LRIG2: variants seen among roughly 807,000 people sequenced by gnomAD.
LRIG2 encodes leucine-rich repeats and immunoglobulin-like domains protein 2.
A neutral mutation model predicts 107.8 loss-of-function variants in LRIG2; 93 were observed. That is an observed-to-expected ratio of 0.86 (90% CI 0.73 to 1.03). The LOEUF (loss-of-function observed/expected upper bound fraction) is 1.03. Among genes scored for constraint, LRIG2 ranks in the 50% least tolerant of loss-of-function variants. The pLI is 0.00. For synonymous variants in LRIG2, 471 were observed against 470.6 expected, an observed-to-expected ratio of 1.00 and a Z score of -0.01; for missense variants, 1,226 against 1,296.0, an observed-to-expected ratio of 0.95 and a Z score of 0.83.
intron 17 of LRIG2, among the ~76,000 whole-genome samples, chr1:113,123,461 C>G (rs539227618): frequency 6.6e-6 from 1 of 152,146 alleles, no homozygotes; most frequent in Non-Finnish European, 1.5e-5. Context: ...GTAATCCCAG[C>G]TACTTGGGAG....
chr1:113,103,857 T>C (rs376325641), intron 11 of LRIG2: 2 of 152,394 alleles, frequency 1.3e-5, no homozygotes, highest in South Asian at 4.1e-4. Context: ...AGACTTCTTT[T>C]GAAAGGTACC....
chr1:113,119,589 T>C, intron 17 of LRIG2, 66 bp downstream of exon 17: 1 of 1,456,594 alleles, frequency 6.9e-7, no homozygotes, highest in Non-Finnish European at 9.4e-7. Context: ...CCTTCTATCA[T>C]ATAGGTAGTG....
Position 113,110,460 on chromosome 1 carries a change from C to T in LRIG2, c.1696C>T (p.His566Tyr), listed in dbSNP as rs201013312. 1.9e-4 allele frequency: 305 copies of T among 1,613,578 alleles called. No individual in the cohort carries two copies. In the Admixed American group the frequency reaches 1.9e-3, roughly 10 times the overall value. The change falls in exon 13 of 18, where the codon CAT (histidine) becomes TAT (tyrosine). Residue 566 changes from histidine to tyrosine, a missense_variant. His to Tyr is a moderately conservative substitution (Grantham distance 83). Coordinates refer to ENST00000361127, the MANE Select transcript of LRIG2 (RefSeq NM_014813.3). ...GEALEYTSILHLFNVNFTDEG... is the reference protein window; with the variant it reads ...GEALEYTSILYLFNVNFTDEG... ...AGCTCTGGAATATACTAGTATCTTA[C>T]ATCTTTTCAATGTGAATTTCACAGA... is the stretch of plus-strand genomic sequence containing the variant.
At chr1:113,085,533 C>T (rs1464346915) in intron 1 of LRIG2, among the ~76,000 whole-genome samples, 2 of 152,226 alleles carry the variant, frequency 1.3e-5, no homozygotes, top group East Asian at 1.9e-4. Context: ...ATCCGCCCGC[C>T]TTGGCTTCCC....
chr1:113,119,220 T>A lies in LRIG2; in HGVS notation c.2681-13T>A. 1 of 1,594,786 alleles carries A rather than the reference T, an allele frequency of 6.3e-7. No individual in the cohort carries two copies. The highest frequency in any genetic ancestry group is 8.6e-7 in the Non-Finnish European group (1 of 1,168,854). On this transcript the variant is annotated splice_polypyrimidine_tract_variant and intron_variant, in intron 16 of 17. Transcript: ENST00000361127. ...TAACAGAAAGATATTTAGATTCTTT[T>A]TCTTGTTATTAGGTGGCACTGGTAC...
chr1:113,117,061 C>T (rs930661112), intron 16 of LRIG2, among the ~76,000 whole-genome samples: 12 of 152,138 alleles, frequency 7.9e-5, no homozygotes, highest in Non-Finnish European at 1.8e-4. Context: ...TAAAGAGTTC[C>T]CTAATTAAAT....
intron 1 of LRIG2, among the ~76,000 whole-genome samples, chr1:113,078,995 T>C (rs1283725634): frequency 1.3e-5 from 2 of 152,136 alleles, no homozygotes; most frequent in African/African-American, 4.8e-5. Flanking sequence ...ATAATCTAGC[T>C]GAAATGTGAA....
intron 13 of LRIG2, among the ~76,000 whole-genome samples, chr1:113,111,406 A>G (rs189096098): frequency 4.6e-5 from 7 of 152,188 alleles, no homozygotes; most frequent in Admixed American, 3.3e-4. Flanking sequence ...GCATTCTGAG[A>G]ATTTAGTGCA....
chr1:113,089,583 C>G (rs1653699262), intron 1 of LRIG2, among the ~76,000 whole-genome samples: 1 of 151,674 alleles, frequency 6.6e-6, no homozygotes, highest in East Asian at 1.9e-4. Context: ...AGAAGAATGC[C>G]TGTCTGCCTT....
At chr1:113,102,579 ATT>A (rs879906879) in intron 11 of LRIG2, among the ~76,000 whole-genome samples, 1 of 145,872 alleles carries the variant, frequency 6.9e-6, no homozygotes, top group African/African-American at 2.5e-5. Flanking sequence ...CTGTCAAGAT[ATT>A]TTTTTTTTTT....
rs754166571 is a variant in LRIG2, at chr1:113,107,662, A to C, written c.1382A>C (p.Asn461Thr). ...TGGCTACTTCAATGGTTGGTTGATA[A>C]TAACTTTCAACATTCTGTGAATGTA... is the stretch of plus-strand genomic sequence containing the variant. ...LKWLLQWLVD[N>T]NFQHSVNVSC... Residue 461 changes from asparagine to threonine, a missense_variant, in exon 12 of 18, where the codon AAT becomes ACT. Physicochemically the swap from Asn to Thr is moderately conservative, Grantham distance 65. Around this residue, in one of 3 missense-constraint regions of LRIG2, gnomAD observed 570 missense variants for 550.2 expected, o/e 1.04. Transcript: ENST00000361127. The C allele has an allele frequency of 7.4e-6, 12 of 1,614,010 alleles. No individual in the cohort carries two copies. The highest frequency in any genetic ancestry group is 5.5e-5 in the South Asian group (5 of 91,046).
At chr1:113,078,031 C>T (rs1007118745) in intron 1 of LRIG2, among the ~76,000 whole-genome samples, 6 of 151,820 alleles carry the variant, frequency 4.0e-5, no homozygotes, top group African/African-American at 1.2e-4. Flanking sequence ...TGATGGTTTC[C>T]AGCTTCATCC....
chr1:113,090,090 C>A (rs12136941), intron 1 of LRIG2, among the ~76,000 whole-genome samples: 130,965 of 151,972 alleles, frequency 0.86, 59,118 homozygotes, highest in Non-Finnish European at 0.98. Context: ...TGAAATATGT[C>A]TTCAGATGTA....
intron 1 of LRIG2, among the ~76,000 whole-genome samples, chr1:113,090,399 A>G (rs986781454): frequency 1.4e-4 from 21 of 152,214 alleles, no homozygotes; most frequent in African/African-American, 4.8e-4. Flanking sequence ...TCCCAAACTC[A>G]GAAGCTACAC....
In LRIG2 at chr1:113,096,281, T is replaced by G. The variant is rs1463604088; in HGVS notation, c.1007T>G (p.Leu336Ter). 6.2e-7 allele frequency: 1 copy of G among 1,614,174 alleles called. No individual in the cohort carries two copies. The highest frequency in any genetic ancestry group is 1.1e-5 in the South Asian group (1 of 91,078). The stretch of plus-strand genomic sequence containing the variant: ...GAATCTGCCTTTGTGGGTCTGAGCT[T>G]ATTGGAGAGATTGAATTTAGGAGAC... ...LDESAFVGLS[L>*]LERLNLGDNR... The change falls in exon 8 of 18, where the codon TTA (leucine) becomes TGA (stop). Residue 336 changes from leucine to a stop codon, truncating the protein, a stop_gained. Transcript: ENST00000361127. LOFTEE classifies it high-confidence loss of function.
chr1:113,101,266 G>A lies in LRIG2; in HGVS notation c.1313+778G>A, dbSNP rs11102587. Among the ~76,000 whole-genome samples the A allele has an allele frequency of 5.1e-3, 777 of 152,182 alleles. 10 individuals are homozygous for A. The highest frequency in any genetic ancestry group is 0.018 in the African/African-American group (729 of 41,514). ...GTATTTTTAGTAGAGACAGGGTTTC[G>A]CCATGTTGGCCAGCTGGTCTCGAAC... On this transcript the variant is annotated intron_variant, in intron 11 of 17. Transcript: ENST00000361127.
Position 113,094,689 on chromosome 1 carries a change from T to C in LRIG2, c.737T>C (p.Met246Thr). 1.2e-6 allele frequency: 2 copies of C among 1,613,988 alleles called. No individual in the cohort carries two copies. Among genetic ancestry groups the C allele is most frequent in the Non-Finnish European group, 1.7e-6 (2 of 1,179,934 alleles). Residue 246 changes from methionine to threonine, a missense_variant, in exon 6 of 18, where the codon ATG (methionine) becomes ACG (threonine). Around this residue, in one of 3 missense-constraint regions of LRIG2, gnomAD observed 570 missense variants for 550.2 expected, o/e 1.04. Transcript: ENST00000361127. ...CTTGACTCCTTAAGATCTTTGAAAA[T>C]GCAGCGGAATGGAATTAGCAAACTT... Reference protein sequence around the residue: ...QGLDSLRSLKMQRNGISKLKD... With the variant: ...QGLDSLRSLKTQRNGISKLKD...
At chr1:113,108,738 G>A (rs1276402992) in intron 12 of LRIG2, among the ~76,000 whole-genome samples, 6 of 151,772 alleles carry the variant, frequency 4.0e-5, no homozygotes, top group African/African-American at 7.3e-5. Context: ...TTAGCTGGGC[G>A]TGGTGGCACA....
chr1:113,093,330 A>AT (rs571646492), intron 3 of LRIG2, 50 bp downstream of exon 3: 2,360 of 1,434,888 alleles, frequency 1.6e-3, no homozygotes, highest in Non-Finnish European at 1.6e-3. Flanking sequence ...AAAAGTATAC[A>AT]TTTTTTTTTT....
Sources: gnomAD v4.1 joint callset for allele counts (sites outside exome capture counted in the v4.1 genomes callset) on GRCh38, gnomAD v4.1.1 for gene constraint, gnomAD v4.1.1 regional missense constraint, MANE v1.5 for transcripts, NCBI Gene and HGNC (gene_info 2026-07-23, HGNC 2026-07-21) for gene names.